The following MAGI2 variants were observed in gnomAD, a reference collection of about 807,000 sequenced individuals.
The protein encoded by MAGI2 is membrane-associated guanylate kinase, WW and PDZ domain-containing protein 2.
Under a neutral mutation model 133.3 loss-of-function variants are expected in MAGI2, and 35 were observed. The ratio of observed to expected loss-of-function variants is 0.26; its 90% confidence interval spans 0.20 to 0.35. The LOEUF is 0.35. MAGI2 is among the 10% of genes least tolerant of loss of function. MAGI2 has a pLI of 1.00. For synonymous variants in MAGI2, 729 were observed against 710.6 expected, an observed-to-expected ratio of 1.03 and a Z score of -0.41; for missense variants, 1,636 against 1,863.4, an observed-to-expected ratio of 0.88 and a Z score of 2.25.
chr7:79,144,047 C>T (rs1466024638), intron 1 of MAGI2, among the ~76,000 whole-genome samples: 1 of 152,106 alleles, frequency 6.6e-6, no homozygotes, highest in African/African-American at 2.4e-5. Context: ...CATACAGTAT[C>T]CTACTTGCTT....
intron 6 of MAGI2, among the ~76,000 whole-genome samples, chr7:78,389,395 C>T (rs1258253117): frequency 3.3e-5 from 5 of 152,182 alleles, no homozygotes; most frequent in Non-Finnish European, 7.3e-5. Flanking sequence ...CATCTGTTTT[C>T]TGTCTTCTTC....
chr7:78,721,471 T>C (rs1473575624), intron 2 of MAGI2, among the ~76,000 whole-genome samples: 1 of 152,042 alleles, frequency 6.6e-6, no homozygotes, highest in Non-Finnish European at 1.5e-5. Context: ...GTGGGTTACC[T>C]GATACTTTAG....
intron 2 of MAGI2, among the ~76,000 whole-genome samples, chr7:78,881,823 C>T (rs757965545): frequency 2.0e-5 from 3 of 151,322 alleles, no homozygotes; most frequent in Non-Finnish European, 4.4e-5. Flanking sequence ...GTTTATAGCC[C>T]TAAAGCCTAT....
chr7:79,428,243 A>G (rs1276844620), intron 1 of MAGI2, among the ~76,000 whole-genome samples: 4 of 152,204 alleles, frequency 2.6e-5, no homozygotes, highest in Non-Finnish European at 5.9e-5. Context: ...GGGTCTGAAC[A>G]TATAAGACTG....
At chr7:78,647,023 C>A (rs1023863557) in intron 2 of MAGI2, among the ~76,000 whole-genome samples, 1 of 152,094 alleles carries the variant, frequency 6.6e-6, no homozygotes, top group Non-Finnish European at 1.5e-5. Context: ...CATATCAACA[C>A]GTAAAATGCA....
chr7:79,062,817 T>C (rs1046678172), intron 1 of MAGI2, among the ~76,000 whole-genome samples: 1 of 152,112 alleles, frequency 6.6e-6, no homozygotes, highest in African/African-American at 2.4e-5. Flanking sequence ...ATGAGTGCAA[T>C]GAGGAAACAG....
chr7:78,596,213 AAGGGAGGG>A (rs1266470661), intron 3 of MAGI2, among the ~76,000 whole-genome samples: 1 of 61,446 alleles, frequency 1.6e-5, no homozygotes, highest in African/African-American at 4.6e-5. Context: ...GGAATGAAGG[AAGGGAGGG>A]AGGGAGGGAA....
intron 2 of MAGI2, among the ~76,000 whole-genome samples, chr7:78,813,132 A>G (rs1327895167): frequency 6.6e-6 from 1 of 152,150 alleles, no homozygotes; most frequent in East Asian, 1.9e-4. Flanking sequence ...CAAATATTTT[A>G]GAAAAAATAA....
intron 1 of MAGI2, among the ~76,000 whole-genome samples, chr7:79,211,679 T>C (rs1231144768): frequency 6.6e-6 from 1 of 151,900 alleles, no homozygotes; most frequent in Non-Finnish European, 1.5e-5. Context: ...TTTTATTTTT[T>C]CCCAAGATTA....
At chr7:78,198,629 G>A (rs1026954167) in intron 11 of MAGI2, among the ~76,000 whole-genome samples, 5 of 151,950 alleles carry the variant, frequency 3.3e-5, no homozygotes, top group African/African-American at 2.4e-5. Context: ...ACAGGATTTC[G>A]CCATGTTGGC....
chr7:79,314,658 T>C (rs1838563772), intron 1 of MAGI2, among the ~76,000 whole-genome samples: 1 of 152,218 alleles, frequency 6.6e-6, no homozygotes, highest in Non-Finnish European at 1.5e-5. Flanking sequence ...TCCTAGTCCT[T>C]GGTCTTCTGA....
intron 12 of MAGI2, among the ~76,000 whole-genome samples, chr7:78,188,547 A>T (rs1827907047): frequency 6.6e-6 from 1 of 152,192 alleles, no homozygotes; most frequent in Non-Finnish European, 1.5e-5. Flanking sequence ...TGCTAGAGTC[A>T]CTGGTAAAAG....
At chr7:78,110,304 A>G (rs1255043105) in intron 20 of MAGI2, among the ~76,000 whole-genome samples, 2 of 152,134 alleles carry the variant, frequency 1.3e-5, no homozygotes, top group Admixed American at 1.3e-4. Flanking sequence ...TCCACAAGAG[A>G]CTAATTCAGC....
In MAGI2 at chr7:78,125,505, G is replaced by A. The variant is rs1284853102; in HGVS notation, c.3567+189C>T. Among the ~76,000 whole-genome samples the A allele has an allele frequency of 2.0e-5, 3 of 152,068 alleles. No homozygotes were observed. In the East Asian group the frequency reaches 5.8e-4, roughly 29 times the overall value. On this transcript the variant is annotated intron_variant, in intron 20 of 21. Transcript: ENST00000354212. Reference sequence around the variant, plus strand: ...TTAATCAATTAGAAGGTCATAAGCAGAAAAATGAGAATGAGAGATATTATA... The same window carrying A: ...TTAATCAATTAGAAGGTCATAAGCAAAAAAATGAGAATGAGAGATATTATA...
At chr7:78,094,293 G>A (rs1213383404) in intron 20 of MAGI2, among the ~76,000 whole-genome samples, 1 of 152,082 alleles carries the variant, frequency 6.6e-6, no homozygotes, top group East Asian at 1.9e-4. Flanking sequence ...TCTGTTCTTG[G>A]TTCCTGCCTT....
intron 21 of MAGI2, among the ~76,000 whole-genome samples, chr7:78,058,003 A>ATATATATATATATATATG: frequency 1.7e-5 from 2 of 117,020 alleles, no homozygotes; most frequent in African/African-American, 3.3e-5. Context: ...ATATATATAT[A>ATATATATATATATATATG]TGTATGAGAA....
At chr7:78,266,703 G>A (rs979343022) in intron 9 of MAGI2, among the ~76,000 whole-genome samples, 6 of 151,652 alleles carry the variant, frequency 4.0e-5, no homozygotes, top group East Asian at 2.0e-4. Context: ...TCAGCCTCCC[G>A]AGTAGCTGGG....
chr7:78,817,103 G>T (rs757733107), intron 2 of MAGI2, among the ~76,000 whole-genome samples: 5 of 152,256 alleles, frequency 3.3e-5, no homozygotes, highest in Admixed American at 2.6e-4. Flanking sequence ...ACTTTTAGGG[G>T]TTCAAGATTT....
At chr7:78,572,914 G>C (rs943133601) in intron 3 of MAGI2, among the ~76,000 whole-genome samples, 1 of 149,602 alleles carries the variant, frequency 6.7e-6, no homozygotes, top group Non-Finnish European at 1.5e-5. Flanking sequence ...CGCCTCACTC[G>C]GCCTCACGAT....
Sources: allele counts gnomAD v4.1 joint callset (sites outside exome capture counted in the v4.1 genomes callset), GRCh38; gene constraint gnomAD v4.1.1; transcripts MANE v1.5; gene names NCBI Gene and HGNC (gene_info 2026-07-23, HGNC 2026-07-21).